The following KNTC1 variants were observed in gnomAD, a reference collection of about 807,000 sequenced individuals.
KNTC1 encodes the protein kinetochore associated 1.
A neutral mutation model predicts 314.4 loss-of-function variants in KNTC1; 253 were observed. The ratio of observed to expected loss-of-function variants is 0.80; its 90% CI spans 0.73 to 0.89. KNTC1 has a LOEUF of 0.89. KNTC1 is among the 40% of genes least tolerant of loss of function. The pLI, the probability that KNTC1 is intolerant of heterozygous loss-of-function variation, is 0.00. For synonymous variants in KNTC1, 901 were observed against 901.4 expected (o/e 1.00, Z 0.01); for missense variants, 2,475 against 2,572.9 (o/e 0.96, Z 0.82).
intron 55 of KNTC1, among the ~76,000 whole-genome samples, chr12:122,614,644 G>A (rs926027632): frequency 1.3e-5 from 2 of 152,038 alleles, no homozygotes; most frequent in African/African-American, 4.8e-5. Context: ...ACTTTGGGAG[G>A]CCGAGGCAGG....
At chr12:122,561,598 T>G (rs1166306394) in intron 18 of KNTC1, among the ~76,000 whole-genome samples, 1 of 151,604 alleles carries the variant, frequency 6.6e-6, no homozygotes, top group Admixed American at 6.6e-5. Flanking sequence ...GGACTACAGG[T>G]GTGCGCAACA....
At chr12:122,534,877 A>G in intron 3 of KNTC1, 93 bp downstream of exon 3, 1 of 1,202,170 alleles carries the variant, frequency 8.3e-7, no homozygotes, top group South Asian at 1.3e-5. Flanking sequence ...TTACTCCATT[A>G]TTTCTAAGAT....
Position 122,591,466 on chromosome 12 carries a change from T to C in KNTC1, c.4245+13T>C, listed in dbSNP as rs1301397556. 1 of 1,221,864 alleles carries C rather than the reference T, an allele frequency of 8.2e-7. No homozygotes were observed. The highest frequency in any genetic ancestry group is 1.5e-5 in the African/African-American group (1 of 66,674). 75.7% of individuals were successfully genotyped at this position (1,221,864 alleles called of 1,614,324 possible). On this transcript the variant is annotated intron_variant, in intron 42 of 63. Transcript: ENST00000333479. ...TGGTAAACTTGGTGTGAGTATTCTTTGTACTGCTGTCATCGATTCTGTTAA... is the reference window on the plus strand; with the variant it reads ...TGGTAAACTTGGTGTGAGTATTCTTCGTACTGCTGTCATCGATTCTGTTAA...
intron 16 of KNTC1, among the ~76,000 whole-genome samples, chr12:122,556,899 A>T: frequency 6.7e-6 from 1 of 148,420 alleles, no homozygotes; most frequent in Non-Finnish European, 1.5e-5. Flanking sequence ...TTGTTGTTGG[A>T]AATGACAAAT....
At chr12:122,606,579 T>C (rs1872614683) in intron 51 of KNTC1, among the ~76,000 whole-genome samples, 1 of 152,186 alleles carries the variant, frequency 6.6e-6, no homozygotes, top group African/African-American at 2.4e-5. Context: ...CAGTTGATGA[T>C]TTCAGATGCT....
chr12:122,619,170 A>T (rs1035158119), intron 59 of KNTC1, among the ~76,000 whole-genome samples: 6 of 131,798 alleles, frequency 4.6e-5, no homozygotes, highest in Non-Finnish European at 8.2e-5. Flanking sequence ...CCATTCTCCC[A>T]CCTCAGCCTC....
chr12:122,598,246 G>A (rs1004916715), intron 44 of KNTC1, among the ~76,000 whole-genome samples: 4 of 152,096 alleles, frequency 2.6e-5, no homozygotes, highest in African/African-American at 7.2e-5. Flanking sequence ...AGATGAAGAT[G>A]TTAATAGTGT....
Position 122,603,082 on chromosome 12 carries a change from T to G in KNTC1, c.4940T>G (p.Leu1647Arg). ...GCAAAACACGTTTTCGAAAAAAAAC[T>G]GAAGCCAAAGCTCCTGAAGTTAACA... ...STAKHVFEKK[L>R]KPKLLKLTQA... Residue 1647 changes from leucine (L) to arginine (R), a missense_variant, in exon 48 of 64, where the codon CTG becomes CGG. Leu to Arg is a moderately radical substitution (Grantham distance 102). Transcript: ENST00000333479. 1 of 1,613,834 alleles carries G rather than the reference T, an allele frequency of 6.2e-7. No homozygotes were observed. Among genetic ancestry groups the G allele is most frequent in the Non-Finnish European group, 8.5e-7 (1 of 1,179,856 alleles).
At chr12:122,555,950 A>G (rs990729603) in intron 16 of KNTC1, among the ~76,000 whole-genome samples, 4 of 152,210 alleles carry the variant, frequency 2.6e-5, no homozygotes, top group African/African-American at 4.8e-5. Flanking sequence ...AAATCAAGCT[A>G]ATTAACATAA....
At position 122,603,231 on chromosome 12, in the gene KNTC1, G is replaced by T. The variant is rs1872178189; in HGVS notation, c.5089G>T (p.Asp1697Tyr). The T allele has an allele frequency of 3.1e-6, 5 of 1,604,850 alleles. No homozygotes were observed. The highest frequency in any genetic ancestry group is 4.3e-6 in the Non-Finnish European group (5 of 1,175,360). ...AVAIAISLAQ[D>Y]IPEGSFKISA... ...AGCTATTGCCATCAGCCTTGCCCAG[G>T]ATATCCCTGAAGGTATGAGCTCTTC... Residue 1697 changes from aspartate to tyrosine, a missense_variant, in exon 48 of 64, where the codon GAT becomes TAT. Transcript: ENST00000333479.
chr12:122,555,064 G>A (rs911819786), intron 16 of KNTC1, among the ~76,000 whole-genome samples: 1 of 152,036 alleles, frequency 6.6e-6, no homozygotes, highest in Admixed American at 6.6e-5. Flanking sequence ...AAACAAAATC[G>A]ACTCTGTAAC....
At chr12:122,590,877 G>C (rs1870096704) in intron 41 of KNTC1, 142 bp downstream of exon 41, 1 of 768,804 alleles carries the variant, frequency 1.3e-6, no homozygotes, top group Admixed American at 2.9e-5. Flanking sequence ...GCTTCTGCTT[G>C]ACTGGTGACA....
At chr12:122,555,761 A>G (rs1239056349) in intron 16 of KNTC1, among the ~76,000 whole-genome samples, 5 of 151,942 alleles carry the variant, frequency 3.3e-5, no homozygotes, top group African/African-American at 1.2e-4. Context: ...AGGCAGGAGA[A>G]TCGCTTGAAC....
At chr12:122,562,774 C>G in intron 20 of KNTC1, 75 bp downstream of exon 20, 1 of 841,848 alleles carries the variant, frequency 1.2e-6, no homozygotes, top group Non-Finnish European at 2.0e-6. Flanking sequence ...CTTTGGGAGG[C>G]TGAGGTGGGC....
chr12:122,570,167 GGGGTGAT>G (rs985700676), intron 22 of KNTC1, among the ~76,000 whole-genome samples: 1 of 152,096 alleles, frequency 6.6e-6, no homozygotes, highest in Non-Finnish European at 1.5e-5. Context: ...GAAGGGTTGT[GGGGTGAT>G]GGGTGATGGG....
chr12:122,604,885 A>T lies in KNTC1; in HGVS notation c.5184A>T (p.Lys1728Asn). The T allele has an allele frequency of 6.2e-7, 1 of 1,601,254 alleles. No individual in the cohort carries two copies. The highest frequency in any genetic ancestry group is 8.5e-7 in the Non-Finnish European group (1 of 1,173,642). ...WLQNIPSQDEKREKAEALLKK... is the reference protein window; with the variant it reads ...WLQNIPSQDENREKAEALLKK... ...TTGGAATTGTTTAAAAGGACGAAAA[A>T]CGTGAAAAAGCCGAGGCTTTGTTGA... The change falls in exon 50 of 64, where the codon AAA becomes AAT. Residue 1728 changes from lysine (K) to asparagine (N), a missense_variant. Coordinates refer to ENST00000333479, the MANE Select transcript of KNTC1 (RefSeq NM_014708.6).
intron 40 of KNTC1, 27 bp from the exon 41 acceptor site, chr12:122,590,580 G>C (rs1352243330): frequency 6.3e-7 from 1 of 1,576,506 alleles, no homozygotes; most frequent in Middle Eastern, 1.7e-4. Context: ...TGAAGAATTT[G>C]CTTCTTTTGC....
intron 1 of KNTC1, among the ~76,000 whole-genome samples, chr12:122,529,425 C>A (rs990763466): frequency 4.6e-5 from 7 of 151,996 alleles, no homozygotes; most frequent in African/African-American, 1.7e-4. Flanking sequence ...TTTATGTAAA[C>A]CTTTGCTTTT....
At position 122,551,534 on chromosome 12, in the gene KNTC1, A is replaced by AT. The variant is rs771326049; in HGVS notation, c.1196+20dup. 280 of 1,589,194 alleles carry AT rather than the reference A, an allele frequency of 1.8e-4. No individual in the cohort carries two copies. The highest frequency in any genetic ancestry group is 2.0e-4 in the Non-Finnish European group (237 of 1,160,770). The stretch of plus-strand genomic sequence containing the variant: ...TTTACCAGAAAACAGGTAACTTCTC[A>AT]TTTTTTTTTAAGCTTTATCCTTTAG... On this transcript the variant is annotated intron_variant, in intron 15 of 63. Transcript: ENST00000333479.
Sources: allele counts gnomAD v4.1 joint callset (sites outside exome capture counted in the v4.1 genomes callset), GRCh38; gene constraint gnomAD v4.1.1; transcripts MANE v1.5; gene names NCBI Gene and HGNC (gene_info 2026-07-23, HGNC 2026-07-21).